The following CRADD variants were observed in gnomAD, a reference collection of about 807,000 sequenced individuals.
CRADD encodes CARD and death domain containing adaptor protein.
A neutral mutation model predicts 15.5 loss-of-function variants in CRADD; 9 were observed. That is an observed-to-expected ratio of 0.58 (90% CI 0.35 to 1.01). The LOEUF (loss-of-function observed/expected upper bound fraction) is 1.01. CRADD is among the 50% of genes least tolerant of loss of function. CRADD has a pLI of 0.02. For synonymous variants in CRADD, 118 were observed against 107.6 expected (o/e 1.10, Z -0.60); for missense variants, 227 against 250.3 (o/e 0.91, Z 0.63).
At chr12:93,773,312 A>T (rs976564625) in intron 2 of CRADD, among the ~76,000 whole-genome samples, 7 of 152,100 alleles carry the variant, frequency 4.6e-5, no homozygotes, top group African/African-American at 1.7e-4. Flanking sequence ...AGGTAGTTGA[A>T]TCATGGGGGC....
intron 2 of CRADD, among the ~76,000 whole-genome samples, chr12:93,791,166 G>A (rs980794901): frequency 1.3e-5 from 2 of 152,148 alleles, no homozygotes; most frequent in African/African-American, 4.8e-5. Context: ...TCTCACTACT[G>A]AGTATATATC....
At chr12:93,744,618 C>T (rs531315824) in intron 2 of CRADD, among the ~76,000 whole-genome samples, 2 of 152,172 alleles carry the variant, frequency 1.3e-5, no homozygotes, top group Non-Finnish European at 2.9e-5. Context: ...TTCTGCTTAC[C>T]ATACCCCTCT....
At chr12:93,689,765 C>T (rs777937557) in intron 2 of CRADD, among the ~76,000 whole-genome samples, 1 of 152,158 alleles carries the variant, frequency 6.6e-6, no homozygotes, top group Non-Finnish European at 1.5e-5. Flanking sequence ...TTAAAAGCAT[C>T]TCCCAATTCT....
At chr12:93,770,803 G>A (rs1036095956) in intron 2 of CRADD, among the ~76,000 whole-genome samples, 3 of 152,170 alleles carry the variant, frequency 2.0e-5, no homozygotes, top group African/African-American at 7.2e-5. Flanking sequence ...GATTAGAACA[G>A]CTTAGAACAG....
chr12:93,741,441 T>C (rs1956665019), intron 2 of CRADD, among the ~76,000 whole-genome samples: 1 of 152,168 alleles, frequency 6.6e-6, no homozygotes, highest in Non-Finnish European at 1.5e-5. Context: ...AAGGTTATCA[T>C]GAAAAAAAGT....
chr12:93,816,745 A>G (rs1361002087), intron 2 of CRADD, among the ~76,000 whole-genome samples: 1 of 152,150 alleles, frequency 6.6e-6, no homozygotes. Context: ...CTGTCTAGGC[A>G]GGAGACTTCC....
At chr12:93,716,565 C>T (rs969556800) in intron 2 of CRADD, among the ~76,000 whole-genome samples, 1 of 152,228 alleles carries the variant, frequency 6.6e-6, no homozygotes, top group African/African-American at 2.4e-5. Flanking sequence ...CTAGAAACCA[C>T]TGATTGTTTT....
At chr12:93,873,234 C>T (rs1958435125) in intron 2 of CRADD, among the ~76,000 whole-genome samples, 1 of 126,228 alleles carries the variant, frequency 7.9e-6, no homozygotes, top group African/African-American at 2.6e-5. Flanking sequence ...TATAGAAACA[C>T]TACTGTTTTT....
At chr12:93,784,215 G>T (rs1957246863) in intron 2 of CRADD, among the ~76,000 whole-genome samples, 1 of 152,096 alleles carries the variant, frequency 6.6e-6, no homozygotes, top group African/African-American at 2.4e-5. Flanking sequence ...CAAGCTGAAT[G>T]ACAAAATTTT....
chr12:93,859,930 G>A (rs536521781), intron 2 of CRADD, among the ~76,000 whole-genome samples: 3 of 149,896 alleles, frequency 2.0e-5, no homozygotes, highest in East Asian at 3.9e-4. Context: ...GGGTCTCCCC[G>A]TGTTGCCCAG....
intron 2 of CRADD, among the ~76,000 whole-genome samples, chr12:93,818,522 T>G (rs1957734350): frequency 6.6e-6 from 1 of 152,154 alleles, no homozygotes; most frequent in Admixed American, 6.5e-5. Context: ...CTAGACGGGT[T>G]TTGTCTTGAC....
At chr12:93,880,555 C>T (rs1958490722) in intron 2 of CRADD, among the ~76,000 whole-genome samples, 1 of 152,150 alleles carries the variant, frequency 6.6e-6, no homozygotes, top group Admixed American at 6.5e-5. Flanking sequence ...TTCATGATCC[C>T]CTAATCCGTG....
chr12:93,696,884 G>A (rs192494320), intron 2 of CRADD, among the ~76,000 whole-genome samples: 50 of 152,216 alleles, frequency 3.3e-4, no homozygotes, highest in Non-Finnish European at 1.0e-4. Context: ...AAAATATATG[G>A]GAGGATGTAT....
intron 2 of CRADD, among the ~76,000 whole-genome samples, chr12:93,782,148 G>A (rs145340658): frequency 0.055 from 8,431 of 152,086 alleles, 565 homozygotes; most frequent in Admixed American, 0.14. Context: ...ATACACCATG[G>A]AATACTATGC....
chr12:93,684,174 A>G (rs1955383073), intron 2 of CRADD, among the ~76,000 whole-genome samples: 1 of 152,132 alleles, frequency 6.6e-6, no homozygotes, highest in East Asian at 1.9e-4. Flanking sequence ...TCATCCAGCA[A>G]ATATTTGCTG....
intron 2 of CRADD, among the ~76,000 whole-genome samples, chr12:93,823,029 T>A (rs570835331): frequency 5.3e-5 from 8 of 152,314 alleles, no homozygotes; most frequent in African/African-American, 1.7e-4. Flanking sequence ...GCACGGTGGC[T>A]CATGCCTGTA....
At chr12:93,742,618 C>T (rs2136930104) in intron 2 of CRADD, among the ~76,000 whole-genome samples, 1 of 152,336 alleles carries the variant, frequency 6.6e-6, no homozygotes, top group East Asian at 1.9e-4. Flanking sequence ...TCAGCTCCAT[C>T]TCCAGGAAAC....
At chr12:93,823,171 A>G (rs991758491) in intron 2 of CRADD, among the ~76,000 whole-genome samples, 1 of 152,120 alleles carries the variant, frequency 6.6e-6, no homozygotes, top group Non-Finnish European at 1.5e-5. Flanking sequence ...AGGTGCCTGT[A>G]ATCCTAGCTA....
At chr12:93,829,018 C>T (rs897232581) in intron 2 of CRADD, among the ~76,000 whole-genome samples, 1 of 151,942 alleles carries the variant, frequency 6.6e-6, no homozygotes, top group African/African-American at 2.4e-5. Flanking sequence ...AGCCTTGCTC[C>T]GAAGTTTATT....
Sources: allele counts gnomAD v4.1 joint callset (sites outside exome capture counted in the v4.1 genomes callset), GRCh38; gene constraint gnomAD v4.1.1; transcripts MANE v1.5; gene names NCBI Gene and HGNC (gene_info 2026-07-23, HGNC 2026-07-21).